The following CDK12 variants were observed in gnomAD, a reference collection of about 807,000 sequenced individuals.
The protein encoded by CDK12 is cyclin dependent kinase 12, also known as cyclin-dependent kinase 12.
Under a neutral mutation model 133.8 loss-of-function variants are expected in CDK12, and 17 were observed. That is an observed-to-expected ratio of 0.13 (90% confidence interval 0.09 to 0.19). CDK12 has a LOEUF of 0.19. Among genes scored for constraint, CDK12 ranks in the 10% least tolerant of loss-of-function variants. The probability of loss-of-function intolerance (pLI) is 1.00; values close to 1 mark genes in which losing one functional copy is unlikely to be tolerated. For missense variants in CDK12, 1,508 were observed against 1,818.7 expected (o/e 0.83, Z 3.11); for synonymous variants, 694 against 683.6 (o/e 1.02, Z -0.24).
chr17:39,476,568 C>T (rs532213089), intron 2 of CDK12, among the ~76,000 whole-genome samples: 181 of 151,942 alleles, frequency 1.2e-3, no homozygotes, highest in African/African-American at 4.1e-3. Flanking sequence ...CACCTGCCAC[C>T]ATGTTCAACT....
At chr17:39,498,001 CTCTT>C (rs570312229) in intron 5 of CDK12, among the ~76,000 whole-genome samples, 135 of 108,512 alleles carry the variant, frequency 1.2e-3, no homozygotes, top group Non-Finnish European at 2.1e-3. Context: ...CTCTCTTTCT[CTCTT>C]TCTTTCTTTT....
At chr17:39,529,501 G>T (rs1014407525) in intron 13 of CDK12, among the ~76,000 whole-genome samples, 3 of 152,074 alleles carry the variant, frequency 2.0e-5, no homozygotes, top group African/African-American at 7.2e-5. Flanking sequence ...TCATTTGGAA[G>T]ATATCCCAAA....
In CDK12 at chr17:39,531,417, C is replaced by T; in HGVS notation, c.*101C>T. On this transcript the variant is annotated 3_prime_UTR_variant, in exon 14 of 14. Transcript: ENST00000447079. ...TCATTTGCCAGAGCGAGGTAATCATCTGCATTTGGCTACTGCAAAGCTGTC... is the reference window on the plus strand; with the variant it reads ...TCATTTGCCAGAGCGAGGTAATCATTTGCATTTGGCTACTGCAAAGCTGTC... 8.5e-7 allele frequency: 1 copy of T among 1,172,558 alleles called. No homozygotes were observed. The highest frequency in any genetic ancestry group is 2.9e-5 in the South Asian group (1 of 34,512). The allele number at this position is 1,172,558 out of a possible 1,614,324, so 72.6% of individuals were successfully genotyped here. A position where few individuals can be genotyped will look rare whatever the true frequency, so the allele number is the denominator to read the frequency against.
At chr17:39,519,763 A>AT (rs1025528796) in intron 10 of CDK12, among the ~76,000 whole-genome samples, 193 bp from the exon 11 acceptor site, 21 of 151,594 alleles carry the variant, frequency 1.4e-4, no homozygotes, top group African/African-American at 5.1e-4. Flanking sequence ...GCTAATTAAA[A>AT]ATATATATAT....
Position 39,470,121 on chromosome 17 carries a change from ATTTAG to A in CDK12, c.1047-753_1047-749del, listed in dbSNP as rs920963859. On this transcript the variant is annotated intron_variant, in intron 1 of 13. Transcript: ENST00000447079. Reference sequence around the variant, plus strand: ...TGATTCAGATATGTTTTCATGTAGGATTTAGTTTAATCTATTTTTTTTTTTTTTGA... The same window carrying A: ...TGATTCAGATATGTTTTCATGTAGGATTTAATCTATTTTTTTTTTTTTTGA... Among the ~76,000 whole-genome samples, 32 of 151,016 alleles carry A rather than the reference ATTTAG, an allele frequency of 2.1e-4. 1 individual carries two copies. The highest frequency in any genetic ancestry group is 1.0e-4 in the Non-Finnish European group (7 of 67,772).
chr17:39,553,959 G>A (rs2056054730), intron 2 of CDK12, among the ~76,000 whole-genome samples: 1 of 152,216 alleles, frequency 6.6e-6, no homozygotes, highest in South Asian at 2.1e-4. Context: ...CAGGGAAATG[G>A]GAGAGAAGAG....
Position 39,495,403 on chromosome 17 carries a change from T to G in CDK12, c.2419+709T>G, listed in dbSNP as rs1027890702. Among the ~76,000 whole-genome samples the G allele has an allele frequency of 2.8e-4, 42 of 149,302 alleles. 1 individual carries two copies. The highest frequency in any genetic ancestry group is 6.9e-3 in the Middle Eastern group (2 of 288). On this transcript the variant is annotated intron_variant, in intron 5 of 13. Coordinates refer to ENST00000447079, the MANE Select transcript of CDK12 (RefSeq NM_016507.4). The stretch of plus-strand genomic sequence containing the variant: ...TCATGTGTTTTTTTTTTTTTTTTTT[T>G]TTTTTTTTTTTTTATAAAATAATAA...
At chr17:39,508,791 T>G (rs2053294513) in intron 6 of CDK12, among the ~76,000 whole-genome samples, 1 of 152,022 alleles carries the variant, frequency 6.6e-6, no homozygotes, top group East Asian at 1.9e-4. Flanking sequence ...GCACAGGAAT[T>G]TAAGACCAGC....
chr17:39,538,338 C>T (rs1375686509), downstream of CDK12, among the ~76,000 whole-genome samples: 1 of 152,120 alleles, frequency 6.6e-6, no homozygotes, highest in Non-Finnish European at 1.5e-5. Context: ...GATGGCAGTG[C>T]ATAGAAGAAC....
chr17:39,489,794 A>AT (rs375969591), intron 2 of CDK12, among the ~76,000 whole-genome samples: 84,815 of 126,024 alleles, frequency 0.67, 29,419 homozygotes, highest in South Asian at 0.88. Flanking sequence ...GCCTGGCCTA[A>AT]TTTTTTTTTT....
rs1409581222 is a variant in CDK12 at position 39,489,393 on chromosome 17, C to G, written c.1932-1164C>G. 4.6e-5 allele frequency among the ~76,000 whole-genome samples: 7 copies of G among 150,920 alleles called. No individual in the cohort carries two copies. In the South Asian group the frequency reaches 1.1e-3, roughly 23 times the overall value. On this transcript the variant is annotated intron_variant, in intron 2 of 13. Coordinates refer to ENST00000447079, the MANE Select transcript of CDK12 (RefSeq NM_016507.4). ...CCAGTTTCTATATTTTTAGTAGAGA[C>G]AGGGTTTCACCAGGCTGGCCAGGCT... is the stretch of plus-strand genomic sequence containing the variant.
chr17:39,483,499 A>C (rs1025388323), intron 2 of CDK12, among the ~76,000 whole-genome samples: 18 of 151,980 alleles, frequency 1.2e-4, no homozygotes, highest in African/African-American at 4.3e-4. Context: ...CCTAGACACA[A>C]GGAATACACC....
In CDK12 at chr17:39,531,173, G is replaced by C; in HGVS notation, c.4330G>C (p.Gly1444Arg). Residue 1444 changes from glycine to arginine, a missense_variant, in exon 14 of 14, where the codon GGG (glycine) becomes CGG (arginine). Around this residue, in one of 9 missense-constraint regions of CDK12, gnomAD observed 114 missense variants for 101.2 expected, o/e 1.13. Coordinates refer to ENST00000447079, the MANE Select transcript of CDK12 (RefSeq NM_016507.4). ...CAAATTGCAAAACTATGGGGAGCTG[G>C]GGCCAGGAACCACTGGGGCCAGCAG... ...ETKLQNYGEL[G>R]PGTTGASSSG... The C allele has an allele frequency of 6.6e-7, 1 of 1,524,736 alleles. No individual in the cohort carries two copies. The highest frequency in any genetic ancestry group is 8.8e-7 in the Non-Finnish European group (1 of 1,137,678). The allele number at this position is 1,524,736 out of a possible 1,614,324, so 94.5% of individuals were successfully genotyped here. A position where few individuals can be genotyped will look rare whatever the true frequency, so the allele number is the denominator to read the frequency against.
downstream of CDK12, among the ~76,000 whole-genome samples, chr17:39,536,362 A>C (rs908909533): frequency 2.0e-5 from 3 of 152,172 alleles, no homozygotes; most frequent in Admixed American, 2.0e-4. Flanking sequence ...TCCTCAACCT[A>C]CTGTAGTGGA....
At chr17:39,477,210 G>A (rs969528158) in intron 2 of CDK12, among the ~76,000 whole-genome samples, 10 of 149,396 alleles carry the variant, frequency 6.7e-5, no homozygotes, top group African/African-American at 2.5e-4. Flanking sequence ...TTTTATTTTT[G>A]TTTTTGTTTT....
intron 2 of CDK12, among the ~76,000 whole-genome samples, chr17:39,476,137 A>G (rs1334393347): frequency 1.3e-5 from 2 of 150,468 alleles, no homozygotes; most frequent in Admixed American, 6.6e-5. Context: ...CTTTTTTGAG[A>G]TAGATTCTCT....
downstream of CDK12, among the ~76,000 whole-genome samples, chr17:39,537,677 C>T (rs915550703): frequency 6.6e-6 from 1 of 151,630 alleles, no homozygotes; most frequent in African/African-American, 2.4e-5. Context: ...ATTCTCCTGT[C>T]TCAGCCTCCC....
chr17:39,462,789 GCTT>G lies in CDK12; in HGVS notation c.722_724del (p.Ser241del). The G allele has an allele frequency of 6.2e-7, 1 of 1,614,196 alleles. No individual in the cohort carries two copies. Among genetic ancestry groups the G allele is most frequent in the Non-Finnish European group, 8.5e-7 (1 of 1,180,036 alleles). ...CAAACAAGATGATAGCCCCTCGGGA[GCTT>G]CTTATGGCCAAGATTATGACCTTAG... is the stretch of plus-strand genomic sequence containing the variant. On this transcript the variant is annotated inframe_deletion, in exon 1 of 14. Transcript: ENST00000447079.
chr17:39,563,954 G>A (rs1219298060), intron 3 of CDK12, among the ~76,000 whole-genome samples: 1 of 152,158 alleles, frequency 6.6e-6, no homozygotes, highest in Non-Finnish European at 1.5e-5. Flanking sequence ...TCTTGATGAC[G>A]GTGGACTTGA....
Sources: gnomAD v4.1 joint callset for allele counts (sites outside exome capture counted in the v4.1 genomes callset) on GRCh38, gnomAD v4.1.1 for gene constraint, gnomAD v4.1.1 regional missense constraint, MANE v1.5 for transcripts, NCBI Gene and HGNC (gene_info 2026-07-23, HGNC 2026-07-21) for gene names.